The following SPAM1 variants were observed in gnomAD, a reference collection of about 807,000 sequenced individuals.
SPAM1 encodes the protein hyaluronidase PH-20.
In SPAM1, 22 loss-of-function variants were observed where a neutral mutation model predicts 29.6. The observed-to-expected ratio is 0.74, with a 90% confidence interval of 0.53 to 1.06. The LOEUF (loss-of-function observed/expected upper bound fraction) is 1.06. Ranked by LOEUF, SPAM1 falls within the 50% of genes least tolerant of loss-of-function variation. The probability of loss-of-function intolerance (pLI) is 0.00; values close to 1 mark genes in which losing one functional copy is unlikely to be tolerated. For missense variants in SPAM1, 534 were observed against 604.0 expected (o/e 0.88, Z 1.21); for synonymous variants, 194 against 204.6 (o/e 0.95, Z 0.44).
At chr7:123,940,014 T>C (rs1808380158) in intron 1 of SPAM1, among the ~76,000 whole-genome samples, 1 of 152,172 alleles carries the variant, frequency 6.6e-6, no homozygotes, top group Non-Finnish European at 1.5e-5. Context: ...GAGCCCAGTA[T>C]TATACTGAGG....
intron 1 of SPAM1, among the ~76,000 whole-genome samples, chr7:123,936,669 C>T (rs1208575718): frequency 6.6e-6 from 1 of 152,140 alleles, no homozygotes; most frequent in Non-Finnish European, 1.5e-5. Flanking sequence ...TCCCTTCTTC[C>T]CTGATAAATT....
chr7:123,935,642 G>C (rs938391926), intron 1 of SPAM1, among the ~76,000 whole-genome samples: 2 of 152,144 alleles, frequency 1.3e-5, no homozygotes, highest in Non-Finnish European at 2.9e-5. Flanking sequence ...ACTTACTAAG[G>C]CTAGTTAATT....
chr7:123,968,302 G>C (rs1434217810), intron 5 of SPAM1, among the ~76,000 whole-genome samples: 3 of 152,054 alleles, frequency 2.0e-5, no homozygotes, highest in African/African-American at 7.2e-5. Context: ...GGTAACGTCT[G>C]AGCTATTGGC....
rs532416858 is a variant in SPAM1, at chr7:123,955,040, C to A, written c.998C>A (p.Ala333Asp). Reference sequence around the variant, plus strand: ...TTTGGCGAAACTGTTGCTCTGGGTGCTTCTGGAATTGTAATATGGGGAACC... The same window carrying A: ...TTTGGCGAAACTGTTGCTCTGGGTGATTCTGGAATTGTAATATGGGGAACC... ...YTFGETVALG[A>D]SGIVIWGTLS... The change falls in exon 4 of 5, where the codon GCT becomes GAT. Residue 333 changes from alanine to aspartate, a missense_variant. Physicochemically the swap from Ala to Asp is moderately radical, Grantham distance 126 (BLOSUM62 -2). Coordinates refer to ENST00000682466, the MANE Select transcript of SPAM1 (RefSeq NM_153189.3). 6.2e-7 allele frequency: 1 copy of A among 1,611,674 alleles called. No homozygotes were observed. The highest frequency in any genetic ancestry group is 1.1e-5 in the South Asian group (1 of 91,026).
intron 1 of SPAM1, among the ~76,000 whole-genome samples, chr7:123,938,882 C>T (rs1158998340): frequency 6.6e-6 from 1 of 152,088 alleles, no homozygotes; most frequent in Non-Finnish European, 1.5e-5. Context: ...GAGCCCTTTG[C>T]CTTAGTGCTA....
intron 1 of SPAM1, among the ~76,000 whole-genome samples, chr7:123,947,524 T>C (rs921133007): frequency 6.6e-6 from 1 of 151,538 alleles, no homozygotes; most frequent in African/African-American, 2.4e-5. Flanking sequence ...CACTCCAGCC[T>C]AGGCAACAGA....
intron 1 of SPAM1, among the ~76,000 whole-genome samples, chr7:123,947,226 T>C (rs939331908): frequency 6.6e-6 from 1 of 152,068 alleles, no homozygotes; most frequent in Non-Finnish European, 1.5e-5. Flanking sequence ...TGTATTACAC[T>C]AGAGAAATAT....
chr7:123,955,434 G>A (rs183847665), intron 4 of SPAM1, among the ~76,000 whole-genome samples: 41 of 152,030 alleles, frequency 2.7e-4, no homozygotes, highest in African/African-American at 9.4e-4. Context: ...CTCTATATCA[G>A]ATCTTTATCC....
At chr7:123,959,060 C>T (rs557929054) in intron 4 of SPAM1, among the ~76,000 whole-genome samples, 47 of 152,032 alleles carry the variant, frequency 3.1e-4, no homozygotes, top group African/African-American at 1.1e-3. Flanking sequence ...CCCAAAGTCA[C>T]CCAGATAGGA....
chr7:123,966,219 G>A (rs970092092), intron 5 of SPAM1, among the ~76,000 whole-genome samples: 1 of 152,022 alleles, frequency 6.6e-6, no homozygotes, highest in Admixed American at 6.6e-5. Context: ...ACCACAATGA[G>A]ATACCAGCTC....
At chr7:123,934,063 C>A (rs1314037502) in intron 1 of SPAM1, among the ~76,000 whole-genome samples, 1 of 152,246 alleles carries the variant, frequency 6.6e-6, no homozygotes, top group East Asian at 1.9e-4. Context: ...ACATGTTGTA[C>A]AGATGTATAA....
At chr7:123,964,416 A>G (rs998375236), downstream of SPAM1, among the ~76,000 whole-genome samples, 2 of 151,962 alleles carry the variant, frequency 1.3e-5, no homozygotes, top group Admixed American at 6.6e-5. Context: ...GATAATAGAT[A>G]TAAGGAAAAG....
At position 123,928,032 on chromosome 7, in the gene SPAM1, C is replaced by T. The variant is rs1807949430; in HGVS notation, c.-319+2680C>T. Reference sequence around the variant, plus strand: ...ATTGTAAGAGTTCATGGCTCTTAGACCTTGTACAGATCTATGGATTTGATT... The same window carrying T: ...ATTGTAAGAGTTCATGGCTCTTAGATCTTGTACAGATCTATGGATTTGATT... On this transcript the variant is annotated intron_variant, in intron 1 of 4. Coordinates refer to ENST00000682466, the MANE Select transcript of SPAM1 (RefSeq NM_153189.3). Among the ~76,000 whole-genome samples, 4 of 151,868 alleles carry T rather than the reference C, an allele frequency of 2.6e-5. No individual in the cohort carries two copies. In the South Asian group the frequency reaches 8.3e-4, roughly 32 times the overall value.
chr7:123,944,002 G>A (rs1233197657), intron 1 of SPAM1, among the ~76,000 whole-genome samples: 1 of 152,088 alleles, frequency 6.6e-6, no homozygotes, highest in Non-Finnish European at 1.5e-5. Context: ...TAAGAAGTGG[G>A]TTAATTCTCC....
chr7:123,958,529 T>C (rs922662400), intron 4 of SPAM1, among the ~76,000 whole-genome samples: 6 of 152,048 alleles, frequency 3.9e-5, no homozygotes, highest in African/African-American at 1.4e-4. Flanking sequence ...TTCCATGCTA[T>C]TTAAACTTGT....
intron 1 of SPAM1, among the ~76,000 whole-genome samples, chr7:123,929,987 C>T (rs1283464834): frequency 2.1e-5 from 3 of 142,044 alleles, no homozygotes; most frequent in Admixed American, 7.5e-5. Context: ...GGGAGAGAAA[C>T]GTAAGTCAGG....
chr7:123,954,866 G>A (rs1584959769), intron 3 of SPAM1, 131 bp from the exon 4 acceptor site: 1 of 651,450 alleles, frequency 1.5e-6, no homozygotes, highest in African/African-American at 1.8e-5. Flanking sequence ...GGCTGTGTAA[G>A]AGATAGAAAT....
At chr7:123,966,165 A>G (rs1419690498) in intron 5 of SPAM1, among the ~76,000 whole-genome samples, 1 of 152,074 alleles carries the variant, frequency 6.6e-6, no homozygotes, top group East Asian at 1.9e-4. Flanking sequence ...AAACAAATGA[A>G]AAAAAGCTCA....
In SPAM1 at chr7:123,969,585, A is replaced by G. The variant is rs576902984; in HGVS notation, c.1486-613A>G. On this transcript the variant is annotated intron_variant, in intron 5 of 6. Coordinates refer to the SPAM1 transcript ENST00000340011. ...TATGTTCTTGGCACCTTTGTCAAAA[A>G]TCAGTTGGCCATAGAAACATGGATT... Among the ~76,000 whole-genome samples the G allele has an allele frequency of 3.3e-5, 5 of 152,162 alleles. No individual in the cohort carries two copies. In the South Asian group the frequency reaches 1.0e-3, roughly 32 times the overall value.
Sources: gnomAD v4.1 joint callset for allele counts (sites outside exome capture counted in the v4.1 genomes callset) on GRCh38, gnomAD v4.1.1 for gene constraint, MANE v1.5 for transcripts, NCBI Gene and HGNC (gene_info 2026-07-23, HGNC 2026-07-21) for gene names.